Variants in BCKDHB observed in about 807,000 individuals in gnomAD.
BCKDHB encodes the protein branched chain keto acid dehydrogenase E1 subunit beta.
A neutral mutation model predicts 48.5 loss-of-function variants in BCKDHB; 41 were observed. That is an observed-to-expected ratio of 0.85 (90% CI 0.66 to 1.10). The LOEUF (loss-of-function observed/expected upper bound fraction) is 1.10. Among genes scored for constraint, BCKDHB ranks in the 50% least tolerant of loss-of-function variants. The pLI, the probability that BCKDHB is intolerant of heterozygous loss-of-function variation, is 0.00. For synonymous variants in BCKDHB, 201 were observed against 174.8 expected (o/e 1.15, Z -1.18); for missense variants, 496 against 494.2 (o/e 1.00, Z -0.03).
chr6:80,287,030 G>T (rs1766657015), intron 9 of BCKDHB, among the ~76,000 whole-genome samples: 1 of 152,214 alleles, frequency 6.6e-6, no homozygotes, highest in Middle Eastern at 3.4e-3. Flanking sequence ...CAGCTTCTAT[G>T]TCAGGCCAAA....
chr6:80,129,608 T>C (rs963319058), intron 3 of BCKDHB, among the ~76,000 whole-genome samples: 1 of 152,042 alleles, frequency 6.6e-6, no homozygotes, highest in Non-Finnish European at 1.5e-5. Flanking sequence ...CTTTATCTTT[T>C]CGGGAAGAGA....
At chr6:80,245,769 T>A (rs1210536006) in intron 8 of BCKDHB, among the ~76,000 whole-genome samples, 6 of 152,102 alleles carry the variant, frequency 3.9e-5, no homozygotes, top group African/African-American at 1.4e-4. Context: ...GAGGCAAGTA[T>A]TATCCAGTTA....
At chr6:80,177,866 T>C (rs1773238567) in intron 6 of BCKDHB, among the ~76,000 whole-genome samples, 1 of 152,250 alleles carries the variant, frequency 6.6e-6, no homozygotes, top group Admixed American at 6.5e-5. Flanking sequence ...CTGTAGTGTA[T>C]AATTTTAATC....
chr6:80,312,209 A>G (rs1768201731), intron 9 of BCKDHB, among the ~76,000 whole-genome samples: 1 of 152,096 alleles, frequency 6.6e-6, no homozygotes, highest in Non-Finnish European at 1.5e-5. Context: ...GTTCACATTC[A>G]TAATTTGGCT....
At chr6:80,428,215 T>C in the BCKDHB span, among the ~76,000 whole-genome samples, 1 of 152,348 alleles carries the variant, frequency 6.6e-6, no homozygotes, top group Non-Finnish European at 1.5e-5. Context: ...TCCTTTTCTA[T>C]GGCTGCATAG....
At chr6:80,438,814 A>G in the BCKDHB span, among the ~76,000 whole-genome samples, 1 of 152,222 alleles carries the variant, frequency 6.6e-6, no homozygotes, top group Non-Finnish European at 1.5e-5. Flanking sequence ...ATGAGCTCCT[A>G]TAACAAAAAG....
At chr6:80,225,978 C>T (rs1410073856) in intron 8 of BCKDHB, among the ~76,000 whole-genome samples, 1 of 152,182 alleles carries the variant, frequency 6.6e-6, no homozygotes, top group African/African-American at 2.4e-5. Context: ...TTACCAATGA[C>T]ATTTTTGTAA....
chr6:80,384,341 T>G, the BCKDHB span, among the ~76,000 whole-genome samples: 36 of 20,366 alleles, frequency 1.8e-3, no homozygotes, highest in South Asian at 0.2. Flanking sequence ...TTCTTCTTCT[T>G]CTTCTTCTTT....
intron 8 of BCKDHB, among the ~76,000 whole-genome samples, chr6:80,239,374 G>T (rs903108067): frequency 9.9e-5 from 15 of 151,992 alleles, no homozygotes; most frequent in Non-Finnish European, 1.9e-4. Context: ...TTTTTTTCAT[G>T]TGTCTGTTGA....
chr6:80,180,599 T>C (rs1016290832), intron 6 of BCKDHB, among the ~76,000 whole-genome samples: 2 of 152,204 alleles, frequency 1.3e-5, no homozygotes, highest in African/African-American at 2.4e-5. Flanking sequence ...GTATTGTTTG[T>C]CTTGTTTCTA....
chr6:80,435,251 C>G, the BCKDHB span, among the ~76,000 whole-genome samples: 2 of 152,104 alleles, frequency 1.3e-5, no homozygotes, highest in Non-Finnish European at 2.9e-5. Flanking sequence ...TACAGCTGGG[C>G]ACAATTTGAT....
chr6:80,293,519 C>T (rs1450833849), intron 9 of BCKDHB, among the ~76,000 whole-genome samples: 5 of 152,164 alleles, frequency 3.3e-5, no homozygotes, highest in Admixed American at 3.3e-4. Context: ...TTTTTTGCTC[C>T]TAGGCCTCTA....
chr6:80,327,442 G>T (rs747260524), intron 9 of BCKDHB, among the ~76,000 whole-genome samples: 7 of 152,218 alleles, frequency 4.6e-5, no homozygotes, highest in Non-Finnish European at 1.0e-4. Context: ...TTAATTTGGG[G>T]ACTGTATTAG....
chr6:80,423,048 A>G, the BCKDHB span, among the ~76,000 whole-genome samples: 2 of 152,140 alleles, frequency 1.3e-5, no homozygotes, highest in South Asian at 2.1e-4. Flanking sequence ...TTATAATCCA[A>G]TTGTAATCCC....
chr6:80,374,890 A>C, the BCKDHB span, among the ~76,000 whole-genome samples: 1 of 152,204 alleles, frequency 6.6e-6, no homozygotes, highest in Non-Finnish European at 1.5e-5. Flanking sequence ...AAAAGACTGT[A>C]TCTTTCCTTC....
chr6:80,393,464 G>A, the BCKDHB span, among the ~76,000 whole-genome samples: 5 of 152,154 alleles, frequency 3.3e-5, no homozygotes, highest in Non-Finnish European at 5.9e-5. Context: ...CTTTCCACAT[G>A]TGAGCATACA....
At position 80,343,816 on chromosome 6, in the gene BCKDHB, G is replaced by C. The variant is rs746528642; in HGVS notation, c.*12G>C. 6.2e-7 allele frequency: 1 copy of C among 1,613,712 alleles called. No homozygotes were observed. Among genetic ancestry groups the C allele is most frequent in the East Asian group, 2.2e-5 (1 of 44,808 alleles). ...TGATCAACTATTGACCATATAGGTA[G>C]GTATGCATCTTGAGAAAGCTACTAT... On this transcript the variant is annotated 3_prime_UTR_variant, in exon 10 of 10. Coordinates refer to ENST00000320393, the MANE Select transcript of BCKDHB (RefSeq NM_183050.4).
At chr6:80,187,824 T>G (rs1773717094) in intron 6 of BCKDHB, among the ~76,000 whole-genome samples, 1 of 152,054 alleles carries the variant, frequency 6.6e-6, no homozygotes, top group Admixed American at 6.5e-5. Flanking sequence ...AAGTCAGAAA[T>G]TAAGAGATGC....
the BCKDHB span, among the ~76,000 whole-genome samples, chr6:80,435,467 T>G: frequency 6.6e-6 from 1 of 152,206 alleles, no homozygotes; most frequent in African/African-American, 2.4e-5. Context: ...TTATTGAATG[T>G]CTACTTTGTT....
Sources: allele counts gnomAD v4.1 joint callset (sites outside exome capture counted in the v4.1 genomes callset), GRCh38; gene constraint gnomAD v4.1.1; transcripts MANE v1.5; gene names NCBI Gene and HGNC (gene_info 2026-07-23, HGNC 2026-07-21).